NIPBL: variants seen among roughly 807,000 people sequenced by gnomAD.
NIPBL encodes NIPBL cohesin loading factor, also known as nipped-B-like protein.
NIPBL carries 19 observed loss-of-function variants against 321.8 expected under a neutral mutation model. That is an observed-to-expected ratio of 0.06 (90% CI 0.04 to 0.09). NIPBL has a LOEUF of 0.09. Among genes scored for constraint, NIPBL ranks in the 10% least tolerant of loss-of-function variants. The pLI, the probability that NIPBL is intolerant of heterozygous loss-of-function variation, is 1.00. For missense variants in NIPBL, 2,210 were observed against 3,327.0 expected, an observed-to-expected ratio of 0.66 and a Z score of 8.26; for synonymous variants, 1,106 against 1,114.1, an observed-to-expected ratio of 0.99 and a Z score of 0.14.
chr5:37,007,056 G>T (rs1461403279), intron 17 of NIPBL, among the ~76,000 whole-genome samples: 1 of 151,864 alleles, frequency 6.6e-6, no homozygotes, highest in Non-Finnish European at 1.5e-5. Flanking sequence ...TTACTATCCT[G>T]CTCCAATGGA....
intron 1 of NIPBL, among the ~76,000 whole-genome samples, chr5:36,881,911 C>T (rs1282044119): frequency 6.6e-6 from 1 of 151,912 alleles, no homozygotes; most frequent in Non-Finnish European, 1.5e-5. Flanking sequence ...TTTGTCAAAG[C>T]ATCTGTTGTT....
At chr5:36,989,436 C>G (rs297538) in intron 10 of NIPBL, among the ~76,000 whole-genome samples, 6,406 of 152,092 alleles carry the variant, frequency 0.042, 461 homozygotes, top group African/African-American at 0.15. Flanking sequence ...TTAAGTTCTT[C>G]AAATATCTTC....
Position 36,996,216 on chromosome 5 carries a change from G to A in NIPBL, c.3304+412G>A, listed in dbSNP as rs1226160156. On this transcript the variant is annotated intron_variant, in intron 11 of 46. Transcript: ENST00000282516. This position sits in a 1 kb window ranked among gnomAD's most constrained non-coding sequence, Gnocchi z 5.0. ...GTACAATGATAACAGTAAATCCAGGGTGCTATGGGAACACATTGGATTGGC... is the reference window on the plus strand; with the variant it reads ...GTACAATGATAACAGTAAATCCAGGATGCTATGGGAACACATTGGATTGGC... Among the ~76,000 whole-genome samples the A allele has an allele frequency of 6.6e-6, 1 of 152,164 alleles. No homozygotes were observed. The highest frequency in any genetic ancestry group is 1.5e-5 in the Non-Finnish European group (1 of 68,022).
At chr5:36,879,402 T>C (rs932635002) in intron 1 of NIPBL, among the ~76,000 whole-genome samples, 2 of 152,252 alleles carry the variant, frequency 1.3e-5, no homozygotes, top group African/African-American at 4.8e-5. Context: ...GTGATAGCTT[T>C]CATTATGATA....
intron 42 of NIPBL, among the ~76,000 whole-genome samples, chr5:37,054,850 G>A (rs1167911614): frequency 6.6e-6 from 1 of 151,978 alleles, no homozygotes; most frequent in Non-Finnish European, 1.5e-5. Context: ...TGAATAGTTT[G>A]TTATTTGACT....
chr5:37,033,067 T>G (rs1457258013), intron 32 of NIPBL, among the ~76,000 whole-genome samples: 1 of 152,182 alleles, frequency 6.6e-6, no homozygotes, highest in Non-Finnish European at 1.5e-5. Context: ...AAGAAATCAT[T>G]TCAGAGTGGG....
At chr5:36,997,967 TA>T (rs758401326) in intron 11 of NIPBL, among the ~76,000 whole-genome samples, 15 of 152,154 alleles carry the variant, frequency 9.9e-5, no homozygotes, top group Non-Finnish European at 1.9e-4. Flanking sequence ...TGTTGAAGGT[TA>T]GGGGAAAATG....
intron 42 of NIPBL, 37 bp downstream of exon 42, chr5:37,052,603 G>A (rs996990997): frequency 6.6e-7 from 1 of 1,524,676 alleles, no homozygotes; most frequent in Middle Eastern, 1.7e-4. Context: ...GAAAATAAGT[G>A]CTCTAGAAAT....
At chr5:36,925,039 T>G (rs901975394) in intron 1 of NIPBL, among the ~76,000 whole-genome samples, 1 of 152,204 alleles carries the variant, frequency 6.6e-6, no homozygotes, top group African/African-American at 2.4e-5. Context: ...TGTCCACTTA[T>G]GCAGGTATTT....
rs181225237 is a variant in NIPBL, at chr5:36,952,624, G to T, written c.-79-994G>T. Reference sequence around the variant, plus strand: ...AACAAAGTGTTCAGTTTTACAGAATGTCTTCATATATTTTTCTGTGTGTGA... The same window carrying T: ...AACAAAGTGTTCAGTTTTACAGAATTTCTTCATATATTTTTCTGTGTGTGA... On this transcript the variant is annotated intron_variant, in intron 1 of 46. Transcript: ENST00000282516. 3.2e-3 allele frequency among the ~76,000 whole-genome samples: 494 copies of T among 152,272 alleles called. 2 individuals are homozygous for T. Among genetic ancestry groups the T allele is most frequent in the African/African-American group, 0.011 (477 of 41,566 alleles).
intron 1 of NIPBL, among the ~76,000 whole-genome samples, chr5:36,917,929 T>C (rs1350281068): frequency 6.6e-6 from 1 of 152,186 alleles, no homozygotes; most frequent in Non-Finnish European, 1.5e-5. Flanking sequence ...TACTGTAGCC[T>C]TGTAGTATAG....
At chr5:36,976,783 G>A (rs1302512829) in intron 9 of NIPBL, among the ~76,000 whole-genome samples, 1 of 152,038 alleles carries the variant, frequency 6.6e-6, no homozygotes, top group Non-Finnish European at 1.5e-5. Flanking sequence ...AACCACTGTA[G>A]AATTATTTTG....
intron 1 of NIPBL, among the ~76,000 whole-genome samples, chr5:36,898,853 T>C (rs918007224): frequency 3.3e-5 from 5 of 152,190 alleles, no homozygotes; most frequent in African/African-American, 1.2e-4. Flanking sequence ...TTTTTAAAAT[T>C]TAGTCTTTAA....
intron 1 of NIPBL, among the ~76,000 whole-genome samples, chr5:36,938,634 C>T (rs1398988507): frequency 6.6e-6 from 1 of 152,106 alleles, no homozygotes; most frequent in Non-Finnish European, 1.5e-5. Flanking sequence ...AAAATCTATA[C>T]TAATGAACTA....
rs1746808440 is a variant in NIPBL at position 37,001,587 on chromosome 5, T to G, written c.3664+509T>G. 3.9e-5 allele frequency among the ~76,000 whole-genome samples: 6 copies of G among 152,176 alleles called. No individual in the cohort carries two copies. In the South Asian group the frequency reaches 1.0e-3, roughly 26 times the overall value. Reference sequence around the variant, plus strand: ...AGCATCTATTCTTCTGTTCATTTATTCTAATGACCAATATTTATTGAATAC... The same window carrying G: ...AGCATCTATTCTTCTGTTCATTTATGCTAATGACCAATATTTATTGAATAC... On this transcript the variant is annotated intron_variant, in intron 14 of 46. Coordinates refer to ENST00000282516, the MANE Select transcript of NIPBL (RefSeq NM_133433.4).
chr5:36,953,819 A>G, intron 2 of NIPBL, 59 bp downstream of exon 2: 2 of 1,370,386 alleles, frequency 1.5e-6, no homozygotes, highest in Non-Finnish European at 2.1e-6. Context: ...TAATTTTTAC[A>G]GTGACTGTTC....
intron 1 of NIPBL, among the ~76,000 whole-genome samples, chr5:36,900,530 G>T (rs1029673122): frequency 6.6e-6 from 1 of 152,088 alleles, no homozygotes; most frequent in Non-Finnish European, 1.5e-5. Flanking sequence ...GAGCAATTCA[G>T]TCAACATAAT....
chr5:36,959,822 T>C (rs1054931754), intron 4 of NIPBL, among the ~76,000 whole-genome samples: 1 of 152,226 alleles, frequency 6.6e-6, no homozygotes, highest in African/African-American at 2.4e-5. Context: ...TCCAAAATAT[T>C]GTTTGATTTC....
chr5:37,050,510 A>C (rs529156203), intron 40 of NIPBL, among the ~76,000 whole-genome samples: 17 of 152,092 alleles, frequency 1.1e-4, no homozygotes, highest in African/African-American at 3.4e-4. Context: ...TCACACAAAG[A>C]AATTGCAAAA....
Sources: allele counts gnomAD v4.1 joint callset (sites outside exome capture counted in the v4.1 genomes callset), GRCh38; gene constraint gnomAD v4.1.1; non-coding constraint Gnocchi (gnomAD v3.1); transcripts MANE v1.5; gene names NCBI Gene and HGNC (gene_info 2026-07-23, HGNC 2026-07-21).